GRIN2A: variants seen among roughly 807,000 people sequenced by gnomAD.
GRIN2A encodes the protein glutamate receptor ionotropic, NMDA 2A.
A neutral mutation model predicts 113.4 loss-of-function variants in GRIN2A; 22 were observed. The observed-to-expected ratio is 0.19, with a 90% CI of 0.14 to 0.28. The LOEUF is 0.28. Among genes scored for constraint, GRIN2A ranks in the 10% least tolerant of loss-of-function variants. The pLI is 1.00. For synonymous variants in GRIN2A, 827 were observed against 738.4 expected (o/e 1.12, Z -1.94); for missense variants, 1,502 against 1,887.0 (o/e 0.80, Z 3.78).
chr16:10,070,800 G>A (rs74817722), intron 2 of GRIN2A, among the ~76,000 whole-genome samples: 1,780 of 152,268 alleles, frequency 0.012, 26 homozygotes, highest in South Asian at 0.065. Context: ...TGCCTCACAC[G>A]CAGACCATCT....
intron 7 of GRIN2A, among the ~76,000 whole-genome samples, chr16:9,837,785 C>G (rs1005381586): frequency 2.6e-5 from 4 of 152,108 alleles, no homozygotes; most frequent in Non-Finnish European, 5.9e-5. Context: ...GTGAGGCTCT[C>G]TTATTAAAAT....
chr16:10,168,157 T>C (rs1458965689), intron 2 of GRIN2A, among the ~76,000 whole-genome samples: 1 of 152,208 alleles, frequency 6.6e-6, no homozygotes, highest in African/African-American at 2.4e-5. Flanking sequence ...GCCAAAAACA[T>C]TTTCACTAGT....
chr16:10,107,998 GCTAGATC>G (rs2048530774), intron 2 of GRIN2A, among the ~76,000 whole-genome samples: 1 of 152,198 alleles, frequency 6.6e-6, no homozygotes, highest in African/African-American at 2.4e-5. Flanking sequence ...CCAACCCTGG[GCTAGATC>G]CTACTCATGT....
At chr16:10,112,779 T>C (rs2048644134) in intron 2 of GRIN2A, 1 of 703,790 alleles carries the variant, frequency 1.4e-6, no homozygotes, top group South Asian at 1.4e-5. Context: ...CCAGCATGGC[T>C]CCATGATGTA....
At chr16:10,012,058 A>G (rs2046515728) in intron 2 of GRIN2A, among the ~76,000 whole-genome samples, 1 of 151,758 alleles carries the variant, frequency 6.6e-6, no homozygotes, top group Non-Finnish European at 1.5e-5. Context: ...ATACTTGGAA[A>G]TGATTTTGGC....
intron 2 of GRIN2A, among the ~76,000 whole-genome samples, chr16:9,963,443 CCT>C (rs1344886764): frequency 6.6e-6 from 1 of 151,944 alleles, no homozygotes; most frequent in Non-Finnish European, 1.5e-5. Flanking sequence ...GCCCCCCACC[CCT>C]GACAGGCCCC....
At chr16:9,797,396 T>C (rs1455474012) in intron 11 of GRIN2A, among the ~76,000 whole-genome samples, 1 of 152,180 alleles carries the variant, frequency 6.6e-6, no homozygotes, top group Non-Finnish European at 1.5e-5. Flanking sequence ...CTAGAGGCCA[T>C]GCCAGGAAAC....
chr16:10,103,645 C>T (rs77634370), intron 2 of GRIN2A, among the ~76,000 whole-genome samples: 2 of 152,122 alleles, frequency 1.3e-5, no homozygotes, highest in African/African-American at 4.8e-5. Flanking sequence ...ATCTACAAAA[C>T]AAGAGAGTCC....
At chr16:10,170,356 A>T (rs2142354961) in intron 2 of GRIN2A, among the ~76,000 whole-genome samples, 1 of 152,350 alleles carries the variant, frequency 6.6e-6, no homozygotes, top group Middle Eastern at 3.4e-3. Flanking sequence ...GTTGGTCAAA[A>T]GGCACCAACT....
At chr16:10,104,858 C>T (rs746281987) in intron 2 of GRIN2A, among the ~76,000 whole-genome samples, 4 of 152,006 alleles carry the variant, frequency 2.6e-5, no homozygotes, top group African/African-American at 9.7e-5. Flanking sequence ...CCCTTGTGAG[C>T]GCAGAGTGTA....
At chr16:9,898,373 T>C (rs758001466) in intron 3 of GRIN2A, among the ~76,000 whole-genome samples, 1 of 152,204 alleles carries the variant, frequency 6.6e-6, no homozygotes, top group Non-Finnish European at 1.5e-5. Context: ...CATAATGGGC[T>C]GCATAAGCTT....
At chr16:10,043,596 G>A (rs2047203281) in intron 2 of GRIN2A, among the ~76,000 whole-genome samples, 1 of 152,078 alleles carries the variant, frequency 6.6e-6, no homozygotes, top group Admixed American at 6.6e-5. Flanking sequence ...ATCTCAGCTA[G>A]GGAAGCTTCT....
At chr16:9,989,982 C>A (rs887447022) in intron 2 of GRIN2A, among the ~76,000 whole-genome samples, 12 of 152,150 alleles carry the variant, frequency 7.9e-5, no homozygotes, top group Non-Finnish European at 1.5e-4. Context: ...GGAGATTTCT[C>A]AAAGAACTAA....
intron 3 of GRIN2A, chr16:9,937,729 T>TC: frequency 5.3e-6 from 3 of 564,040 alleles, no homozygotes; most frequent in South Asian, 2.0e-5. Context: ...TTCCAAGATA[T>TC]ATTGTTGAGT....
At chr16:9,775,102 T>A (rs1379131735) in intron 11 of GRIN2A, among the ~76,000 whole-genome samples, 1 of 152,234 alleles carries the variant, frequency 6.6e-6, no homozygotes, top group African/African-American at 2.4e-5. Context: ...TCCCCTGAGG[T>A]CATTTGTGAA....
intron 2 of GRIN2A, among the ~76,000 whole-genome samples, chr16:10,107,225 G>A (rs568110811): frequency 1.3e-5 from 2 of 152,288 alleles, no homozygotes; most frequent in South Asian, 2.1e-4. Flanking sequence ...CTCAGCACTA[G>A]TCCCAGCCCC....
chr16:9,956,766 A>G (rs1285110994), intron 2 of GRIN2A, among the ~76,000 whole-genome samples: 1 of 152,196 alleles, frequency 6.6e-6, no homozygotes, highest in African/African-American at 2.4e-5. Context: ...AACAATTTAG[A>G]TGGTTGAAGA....
At position 9,841,090 on chromosome 16, in the gene GRIN2A, T is replaced by C. The variant is rs1273711716; in HGVS notation, c.1343A>G (p.Glu448Gly). ...GCAGCATTTCTTCACATTCATCCCC[T>C]CATTGGTTGAATTGCTGTAAAGAAA... ...KFVKINNSTN[E>G]GMNVKKCCKG... Residue 448 changes from glutamate (E) to glycine (G), a missense_variant, in exon 6 of 13, where the codon GAG (glutamate) becomes GGG (glycine). Coordinates refer to ENST00000330684, the MANE Select transcript of GRIN2A (RefSeq NM_001134407.3). 1.2e-6 allele frequency: 2 copies of C among 1,613,516 alleles called. No homozygotes were observed. Among genetic ancestry groups the C allele is most frequent in the Non-Finnish European group, 1.7e-6 (2 of 1,179,664 alleles).
At chr16:9,808,880 A>C (rs1051508642) in intron 10 of GRIN2A, among the ~76,000 whole-genome samples, 4 of 152,090 alleles carry the variant, frequency 2.6e-5, no homozygotes, top group Non-Finnish European at 4.4e-5. Context: ...GATCCTTAAC[A>C]CAGCCATATG....
Sources: allele counts gnomAD v4.1 joint callset (sites outside exome capture counted in the v4.1 genomes callset), GRCh38; gene constraint gnomAD v4.1.1; transcripts MANE v1.5; gene names NCBI Gene and HGNC (gene_info 2026-07-23, HGNC 2026-07-21).